The following ZCCHC8 variants were observed in gnomAD, a reference collection of about 807,000 sequenced individuals.
The protein encoded by ZCCHC8 is zinc finger CCHC-type containing 8.
ZCCHC8 carries 27 observed loss-of-function variants against 70.6 expected under a neutral mutation model. The observed-to-expected ratio is 0.38, with a 90% CI of 0.28 to 0.53. The LOEUF (loss-of-function observed/expected upper bound fraction) is 0.53, where lower values mean the gene tolerates loss of function less well. ZCCHC8 is among the 20% of genes least tolerant of loss of function. The probability of loss-of-function intolerance (pLI) is 0.81; values close to 1 mark genes in which losing one functional copy is unlikely to be tolerated. For missense variants in ZCCHC8, 737 were observed against 876.9 expected, an observed-to-expected ratio of 0.84 and a Z score of 2.01; for synonymous variants, 293 against 317.4, an observed-to-expected ratio of 0.92 and a Z score of 0.82.
Position 122,500,363 on chromosome 12 carries a change from C to T in ZCCHC8, c.199+279G>A, listed in dbSNP as rs1957902829. On this transcript the variant is annotated intron_variant, in intron 1 of 13. Coordinates refer to ENST00000633063, the MANE Select transcript of ZCCHC8 (RefSeq NM_017612.5). The surrounding 1 kb of genome is among the most constrained non-coding windows in gnomAD (Gnocchi z 4.8). ...TGTGTACAATCTGTCAGGTGAGCAGCCTAAAATAACCCTAAACACGGCACC... is the reference window on the plus strand; with the variant it reads ...TGTGTACAATCTGTCAGGTGAGCAGTCTAAAATAACCCTAAACACGGCACC... 1 of 470,260 alleles carries T rather than the reference C, an allele frequency of 2.1e-6. No homozygotes were observed. The highest frequency in any genetic ancestry group is 3.9e-5 in the East Asian group (1 of 25,818). 29.1% of individuals were successfully genotyped at this position (470,260 alleles called of 1,614,324 possible). A position where few individuals can be genotyped will look rare whatever the true frequency, so the allele number is the denominator to read the frequency against.
In ZCCHC8 at chr12:122,500,507, A is replaced by C. The variant is rs771149572; in HGVS notation, c.199+135T>G. On this transcript the variant is annotated intron_variant, in intron 1 of 13. Coordinates refer to ENST00000633063, the MANE Select transcript of ZCCHC8 (RefSeq NM_017612.5). This position sits in a 1 kb window ranked among gnomAD's most constrained non-coding sequence, Gnocchi z 4.8. ...CTCTCGGTCCGCCGGCGGGTGACAGAAAGCACTTGGAATTCTGGCCCTCCT... is the reference window on the plus strand; with the variant it reads ...CTCTCGGTCCGCCGGCGGGTGACAGCAAGCACTTGGAATTCTGGCCCTCCT... The C allele has an allele frequency of 2.6e-6, 3 of 1,160,730 alleles. No homozygotes were observed. The highest frequency in any genetic ancestry group is 3.5e-6 in the Non-Finnish European group (3 of 850,334). The allele number at this position is 1,160,730 out of a possible 1,614,324, so 71.9% of individuals were successfully genotyped here.
intron 13 of ZCCHC8, among the ~76,000 whole-genome samples, chr12:122,474,838 A>G (rs1455147275): frequency 2.0e-5 from 3 of 146,804 alleles, no homozygotes; most frequent in Non-Finnish European, 4.5e-5. Flanking sequence ...GGGTTCAAGC[A>G]ATTCTCCTGC....
In ZCCHC8 at chr12:122,483,384, C is replaced by A; in HGVS notation, c.606-40G>T. On this transcript the variant is annotated intron_variant, in intron 6 of 13. Coordinates refer to ENST00000633063, the MANE Select transcript of ZCCHC8 (RefSeq NM_017612.5). The surrounding 1 kb of genome is among the most constrained non-coding windows in gnomAD (Gnocchi z 4.4). ...ATTAAGGAATAGTTATCATGGTCTG[C>A]AAAATTTGGAAATTGTTTTAAAGGT... is the stretch of plus-strand genomic sequence containing the variant. The A allele has an allele frequency of 1.9e-6, 3 of 1,573,462 alleles. No homozygotes were observed. Among genetic ancestry groups the A allele is most frequent in the Non-Finnish European group, 2.6e-6 (3 of 1,157,500 alleles).
chr12:122,479,271 T>C (rs1430257973), intron 11 of ZCCHC8, among the ~76,000 whole-genome samples: 1 of 152,200 alleles, frequency 6.6e-6, no homozygotes, highest in Non-Finnish European at 1.5e-5. Context: ...AGATAGGATT[T>C]TGCCATGTTG....
chr12:122,478,789 A>G (rs1957473658), intron 11 of ZCCHC8, among the ~76,000 whole-genome samples: 1 of 152,172 alleles, frequency 6.6e-6, no homozygotes, highest in Non-Finnish European at 1.5e-5. Context: ...TAAGAATCCC[A>G]TGGAACTCTT....
At chr12:122,484,701 T>G (rs1421721346) in intron 5 of ZCCHC8, among the ~76,000 whole-genome samples, 1 of 152,016 alleles carries the variant, frequency 6.6e-6, no homozygotes, top group Admixed American at 6.6e-5. Flanking sequence ...GCCTCCATTT[T>G]TTTAATGACA....
intron 5 of ZCCHC8, among the ~76,000 whole-genome samples, chr12:122,488,885 A>G (rs1249163360): frequency 1.3e-5 from 2 of 152,026 alleles, no homozygotes; most frequent in Admixed American, 1.3e-4. Context: ...AAAAAAAAAA[A>G]AAAATTATAA....
chr12:122,490,317 G>A, intron 4 of ZCCHC8, 145 bp downstream of exon 4: 1 of 646,506 alleles, frequency 1.5e-6, no homozygotes, highest in African/African-American at 1.8e-5. Flanking sequence ...AAACCAGTCA[G>A]GCTTCGGAAA....
At chr12:122,482,737 A>G (rs1205264983) in intron 7 of ZCCHC8, 42 bp from the exon 8 acceptor site, 2 of 1,541,410 alleles carry the variant, frequency 1.3e-6, no homozygotes, top group Non-Finnish European at 1.8e-6. Flanking sequence ...TGTCAATAAA[A>G]ATAGAAAAGC....
rs1957570088 is a variant in ZCCHC8, at chr12:122,483,224, T to C, written c.671+55A>G. ...ACATGAACTTTTCAAGCCAAAAGTT[T>C]ATGATTTTGGTTAAAAAAGTAAATA... On this transcript the variant is annotated intron_variant, in intron 7 of 13. Coordinates refer to ENST00000633063, the MANE Select transcript of ZCCHC8 (RefSeq NM_017612.5). This position sits in a 1 kb window ranked among gnomAD's most constrained non-coding sequence, Gnocchi z 4.4. 6.7e-7 allele frequency: 1 copy of C among 1,499,770 alleles called. No homozygotes were observed. Among genetic ancestry groups the C allele is most frequent in the South Asian group, 1.2e-5 (1 of 80,414 alleles). The allele number at this position is 1,499,770 out of a possible 1,614,324, so 92.9% of individuals were successfully genotyped here. A position where few individuals can be genotyped will look rare whatever the true frequency, so the allele number is the denominator to read the frequency against.
intron 7 of ZCCHC8, 77 bp from the exon 8 acceptor site, chr12:122,482,772 G>T: frequency 8.0e-7 from 1 of 1,254,900 alleles, no homozygotes; most frequent in Non-Finnish European, 1.1e-6. Context: ...CTATATGACA[G>T]CAAAGTGTAT....
chr12:122,498,992 G>A lies in ZCCHC8; in HGVS notation c.200-123C>T. ...GACAAAAGACCCACGGATATTTTGA[G>A]GATGACACACTTATTGAGCTTCTAT... On this transcript the variant is annotated intron_variant, in intron 1 of 13. Transcript: ENST00000633063. 4 of 900,512 alleles carry A rather than the reference G, an allele frequency of 4.4e-6. No individual in the cohort carries two copies. In the South Asian group the frequency reaches 6.0e-5, roughly 14 times the overall value. 55.8% of individuals were successfully genotyped at this position (900,512 alleles called of 1,614,324 possible).
intron 13 of ZCCHC8, among the ~76,000 whole-genome samples, chr12:122,475,397 T>C (rs1957399754): frequency 6.6e-6 from 1 of 152,182 alleles, no homozygotes. Context: ...GGTTCACATA[T>C]CTAACTGCCC....
intron 2 of ZCCHC8, among the ~76,000 whole-genome samples, chr12:122,497,019 C>A (rs1292216100): frequency 6.6e-6 from 1 of 151,866 alleles, no homozygotes; most frequent in Admixed American, 6.6e-5. Context: ...TGGTGGCAGG[C>A]ACCTGTAGTC....
intron 10 of ZCCHC8, 70 bp from the exon 11 acceptor site, chr12:122,480,381 C>A: frequency 7.5e-7 from 1 of 1,341,482 alleles, no homozygotes; most frequent in Non-Finnish European, 9.8e-7. Context: ...ACCAAAAGTA[C>A]ACCTGGAAAG....
At position 122,473,489 on chromosome 12, in the gene ZCCHC8, T is replaced by TCAAG. The variant is rs1566281125; in HGVS notation, c.*4_*7dup. The TCAAG allele has an allele frequency of 6.2e-7, 1 of 1,612,080 alleles. No homozygotes were observed. Among genetic ancestry groups the TCAAG allele is most frequent in the South Asian group, 1.1e-5 (1 of 90,846 alleles). On this transcript the variant is annotated 3_prime_UTR_variant, in exon 14 of 14. Coordinates refer to ENST00000633063, the MANE Select transcript of ZCCHC8 (RefSeq NM_017612.5). ...TTATTAAATAGCTCTCAGTGCTAAG[T>TCAAG]CAAGCCATTATTCAGAGGCCTTTTT...
intron 10 of ZCCHC8, 161 bp from the exon 11 acceptor site, chr12:122,480,472 ACTT>A: frequency 2.0e-6 from 1 of 494,660 alleles, no homozygotes; most frequent in Non-Finnish European, 3.1e-6. Flanking sequence ...TTAGGACAGA[ACTT>A]TTTTTTTTTT....
intron 2 of ZCCHC8, among the ~76,000 whole-genome samples, chr12:122,494,530 A>T (rs1207872500): frequency 6.7e-6 from 1 of 150,028 alleles, no homozygotes; most frequent in Non-Finnish European, 1.5e-5. Flanking sequence ...ACTGCACTCC[A>T]GCCTGGGCAA....
chr12:122,489,271 C>A, intron 5 of ZCCHC8, 115 bp downstream of exon 5: 1 of 865,952 alleles, frequency 1.2e-6, no homozygotes, highest in Non-Finnish European at 1.7e-6. Flanking sequence ...CAAAAAGATG[C>A]TGTTATCAAG....
Sources: gnomAD v4.1 joint callset for allele counts (sites outside exome capture counted in the v4.1 genomes callset) on GRCh38, gnomAD v4.1.1 for gene constraint, Gnocchi (gnomAD v3.1) non-coding constraint, MANE v1.5 for transcripts, NCBI Gene and HGNC (gene_info 2026-07-23, HGNC 2026-07-21) for gene names.